ARB2A: variants seen among roughly 807,000 people sequenced by gnomAD.
The protein encoded by ARB2A is cotranscriptional regulator ARB2A.
the ARB2A span, among the ~76,000 whole-genome samples, chr5:93,654,765 T>C: frequency 2.0e-5 from 3 of 152,202 alleles, no homozygotes; most frequent in Non-Finnish European, 4.4e-5. Context: ...AAAAAATCAT[T>C]GATTAGTTTT....
chr5:93,810,806 T>G, the ARB2A span, among the ~76,000 whole-genome samples: 1 of 152,114 alleles, frequency 6.6e-6, no homozygotes, highest in Non-Finnish European at 1.5e-5. Context: ...GCATGGACTT[T>G]GGAGCCAGAA....
At chr5:93,920,502 A>G in the ARB2A span, among the ~76,000 whole-genome samples, 3 of 152,204 alleles carry the variant, frequency 2.0e-5, no homozygotes, top group Admixed American at 2.0e-4. Flanking sequence ...ACAATTTCAG[A>G]AAACTTACAG....
chr5:94,014,765 TA>T, the ARB2A span, among the ~76,000 whole-genome samples: 1 of 151,046 alleles, frequency 6.6e-6, no homozygotes, highest in Non-Finnish European at 1.5e-5. Flanking sequence ...AAAAACTCAT[TA>T]GGGGCTATCA....
At chr5:94,000,801 T>C in the ARB2A span, among the ~76,000 whole-genome samples, 1 of 152,124 alleles carries the variant, frequency 6.6e-6, no homozygotes, top group Non-Finnish European at 1.5e-5. Context: ...CTTAGGTCTA[T>C]GATCCATTTT....
the ARB2A span, among the ~76,000 whole-genome samples, chr5:93,825,411 C>A: frequency 6.6e-6 from 1 of 152,142 alleles, no homozygotes; most frequent in Non-Finnish European, 1.5e-5. Context: ...CATTTGTAAA[C>A]TACTGATTTG....
At chr5:94,057,288 AATATTAT>A in the ARB2A span, among the ~76,000 whole-genome samples, 2,165 of 152,304 alleles carry the variant, frequency 0.014, 53 homozygotes, top group African/African-American at 0.049. Flanking sequence ...CAGAAGGACA[AATATTAT>A]ATATTATATG....
chr5:94,080,410 T>C, the ARB2A span, among the ~76,000 whole-genome samples: 1 of 152,172 alleles, frequency 6.6e-6, no homozygotes, highest in Admixed American at 6.5e-5. Context: ...AAATTTTCAA[T>C]TTTCTCATCC....
the ARB2A span, among the ~76,000 whole-genome samples, chr5:94,031,637 C>T: frequency 1.3e-5 from 2 of 152,170 alleles, no homozygotes; most frequent in African/African-American, 4.8e-5. Flanking sequence ...GCTCACAGGC[C>T]ATTTGCTAAA....
the ARB2A span, among the ~76,000 whole-genome samples, chr5:93,653,511 CAAAAAAAAAAAAAAAAAAAAAAAAAAAAA>C: frequency 6.7e-4 from 21 of 31,430 alleles, no homozygotes; most frequent in Admixed American, 2.8e-3. Context: ...GACTCCGTCT[CAAAAAAAAAAAAAAAAAAAAAAAAAAAAA>C]AAAAAAAAAA....
the ARB2A span, among the ~76,000 whole-genome samples, chr5:93,818,118 G>GA: frequency 5.4e-3 from 728 of 134,154 alleles, 2 homozygotes; most frequent in Non-Finnish European, 7.4e-3. Flanking sequence ...AAATGAAAAA[G>GA]AAAAAAAAAA....
the ARB2A span, among the ~76,000 whole-genome samples, chr5:93,701,405 T>A: frequency 1.3e-5 from 2 of 152,158 alleles, no homozygotes; most frequent in African/African-American, 4.8e-5. Context: ...ATTTGCATTG[T>A]TATAATAGGT....
the ARB2A span, chr5:93,781,950 G>C: frequency 6.1e-6 from 6 of 984,376 alleles, no homozygotes; most frequent in Non-Finnish European, 7.2e-6. Context: ...GAGTCTTGCA[G>C]AGGGGATAGG....
chr5:94,042,091 TA>T, the ARB2A span, among the ~76,000 whole-genome samples: 1 of 152,168 alleles, frequency 6.6e-6, no homozygotes, highest in Non-Finnish European at 1.5e-5. Context: ...CTGCCTAGAT[TA>T]AAGGTTTAAA....
At chr5:93,769,171 G>T in the ARB2A span, among the ~76,000 whole-genome samples, 3 of 152,110 alleles carry the variant, frequency 2.0e-5, no homozygotes, top group East Asian at 5.8e-4. Context: ...AAATAAGCGT[G>T]TATGTTTATA....
chr5:93,947,929 G>C, the ARB2A span, among the ~76,000 whole-genome samples: 1 of 151,042 alleles, frequency 6.6e-6, no homozygotes, highest in Non-Finnish European at 1.5e-5. Flanking sequence ...TCGGACATTT[G>C]GGTTCCAAGT....
the ARB2A span, among the ~76,000 whole-genome samples, chr5:93,787,065 T>C: frequency 6.6e-6 from 1 of 152,170 alleles, no homozygotes; most frequent in Non-Finnish European, 1.5e-5. Context: ...TCCATTGATA[T>C]TAAACAACTT....
the ARB2A span, among the ~76,000 whole-genome samples, chr5:93,962,673 T>A: frequency 6.6e-6 from 1 of 152,120 alleles, no homozygotes; most frequent in Admixed American, 6.6e-5. Flanking sequence ...GAAAAATAGT[T>A]GTGAAGAGAA....
chr5:93,881,099 T>G, the ARB2A span, among the ~76,000 whole-genome samples: 2 of 151,660 alleles, frequency 1.3e-5, no homozygotes, highest in African/African-American at 4.8e-5. Context: ...ATGGACAACA[T>G]AACGGCATGT....
chr5:93,872,702 G>C, the ARB2A span, among the ~76,000 whole-genome samples: 1 of 151,956 alleles, frequency 6.6e-6, no homozygotes, highest in African/African-American at 2.4e-5. Flanking sequence ...CGGATCACAA[G>C]GTCATGAGAT....
Sources: gnomAD v4.1 joint callset for allele counts (sites outside exome capture counted in the v4.1 genomes callset) on GRCh38, gnomAD v4.1.1 for gene constraint, MANE v1.5 for transcripts, NCBI Gene and HGNC (gene_info 2026-07-23, HGNC 2026-07-21) for gene names.